RARB: variants seen among roughly 807,000 people sequenced by gnomAD.
RARB encodes the protein HBV-activated protein.
RARB carries 17 observed loss-of-function variants against 51.9 expected under a neutral mutation model. That is an observed-to-expected ratio of 0.33 (90% CI 0.22 to 0.49). The LOEUF is 0.49. RARB is among the 20% of genes least tolerant of loss of function. RARB has a pLI of 0.99. For missense variants in RARB, 369 were observed against 550.8 expected, an observed-to-expected ratio of 0.67 and a Z score of 3.30; for synonymous variants, 215 against 195.4, an observed-to-expected ratio of 1.10 and a Z score of -0.84.
At chr3:25,569,099 G>A (rs781720755) in intron 3 of RARB, among the ~76,000 whole-genome samples, 3 of 152,162 alleles carry the variant, frequency 2.0e-5, no homozygotes, top group East Asian at 1.9e-4. Flanking sequence ...GGCTACCAGC[G>A]AATAAGGGAA....
At chr3:25,448,113 A>G (rs1709029502) in intron 1 of RARB, among the ~76,000 whole-genome samples, 1 of 152,012 alleles carries the variant, frequency 6.6e-6, no homozygotes, top group African/African-American at 2.4e-5. Context: ...TCCAAAAGTC[A>G]CACAGCCAGT....
intron 3 of RARB, among the ~76,000 whole-genome samples, chr3:25,084,544 TC>T (rs34836731): frequency 0.77 from 114,259 of 148,772 alleles, 43,582 homozygotes; most frequent in East Asian, 0.88. Flanking sequence ...ACATCATTAA[TC>T]CCTTCTCTAT....
chr3:25,577,824 T>G (rs1051054052), intron 4 of RARB, among the ~76,000 whole-genome samples: 24 of 152,124 alleles, frequency 1.6e-4, no homozygotes, highest in Non-Finnish European at 3.4e-4. Context: ...GTTGGGCTTT[T>G]CTGCTGCTTA....
intron 5 of RARB, among the ~76,000 whole-genome samples, chr3:25,200,741 C>A (rs889606179): frequency 1.3e-5 from 2 of 152,050 alleles, no homozygotes; most frequent in East Asian, 3.9e-4. Context: ...TGTCAAAGAT[C>A]AGATAGTTGT....
intron 2 of RARB, among the ~76,000 whole-genome samples, chr3:25,033,391 T>G (rs1384147401): frequency 6.6e-6 from 1 of 152,142 alleles, no homozygotes; most frequent in Admixed American, 6.5e-5. Flanking sequence ...GCTGGGAAGT[T>G]AATTGTCTGA....
At chr3:24,984,000 A>T (rs1315504908) in intron 2 of RARB, among the ~76,000 whole-genome samples, 2 of 152,218 alleles carry the variant, frequency 1.3e-5, no homozygotes, top group African/African-American at 4.8e-5. Flanking sequence ...TATGATTCTT[A>T]CTAATTCTAA....
intron 5 of RARB, among the ~76,000 whole-genome samples, chr3:25,279,788 G>A (rs193226490): frequency 6.6e-6 from 1 of 152,236 alleles, no homozygotes; most frequent in East Asian, 1.9e-4. Context: ...GCTCTGTGTT[G>A]TAATATCACT....
chr3:25,278,619 A>G (rs1327667961), intron 5 of RARB, among the ~76,000 whole-genome samples: 1 of 152,208 alleles, frequency 6.6e-6, no homozygotes, highest in African/African-American at 2.4e-5. Flanking sequence ...TAGCTTTGAT[A>G]GATACCTTGA....
At chr3:25,491,447 T>G (rs1363249339) in intron 2 of RARB, among the ~76,000 whole-genome samples, 2 of 152,082 alleles carry the variant, frequency 1.3e-5, no homozygotes, top group African/African-American at 4.8e-5. Flanking sequence ...ACTACTTAAT[T>G]CTGTCTGATC....
At chr3:25,573,470 G>T (rs1472787667) in intron 4 of RARB, among the ~76,000 whole-genome samples, 1 of 152,204 alleles carries the variant, frequency 6.6e-6, no homozygotes, top group Non-Finnish European at 1.5e-5. Context: ...TCACTACTGG[G>T]CATCCTTCCG....
intron 2 of RARB, among the ~76,000 whole-genome samples, chr3:24,930,993 A>G (rs1369550154): frequency 6.6e-6 from 1 of 152,116 alleles, no homozygotes; most frequent in Non-Finnish European, 1.5e-5. Flanking sequence ...ACACTAGGTG[A>G]CAGAGTGAGA....
At chr3:25,393,357 T>C (rs1707026372) in intron 5 of RARB, among the ~76,000 whole-genome samples, 1 of 152,084 alleles carries the variant, frequency 6.6e-6, no homozygotes, top group Admixed American at 6.6e-5. Context: ...TGTAGTTTTT[T>C]GTTATGTCCT....
chr3:25,442,882 A>G (rs1708760977), intron 1 of RARB, among the ~76,000 whole-genome samples: 1 of 152,142 alleles, frequency 6.6e-6, no homozygotes, highest in Non-Finnish European at 1.5e-5. Flanking sequence ...CGTGCTCCAC[A>G]CCTGCTTGGT....
intron 5 of RARB, among the ~76,000 whole-genome samples, chr3:25,419,767 G>A (rs911494497): frequency 6.6e-6 from 1 of 152,186 alleles, no homozygotes; most frequent in African/African-American, 2.4e-5. Flanking sequence ...TGCTTAAACA[G>A]AGGGAAAGTA....
At chr3:25,551,886 A>G (rs1699865084) in intron 3 of RARB, among the ~76,000 whole-genome samples, 1 of 152,226 alleles carries the variant, frequency 6.6e-6, no homozygotes, top group Non-Finnish European at 1.5e-5. Flanking sequence ...AGTTAGCAAT[A>G]GTTCTGAGAG....
intron 2 of RARB, among the ~76,000 whole-genome samples, chr3:24,944,447 G>C (rs192565366): frequency 3.0e-4 from 45 of 152,314 alleles, no homozygotes; most frequent in Admixed American, 2.9e-3. Flanking sequence ...CCATACTGGC[G>C]TGTTCTTAGG....
chr3:25,405,134 T>TC (rs1337072587), intron 5 of RARB, among the ~76,000 whole-genome samples: 22 of 152,190 alleles, frequency 1.4e-4, no homozygotes, highest in Admixed American at 1.4e-3. Context: ...CGTCTCTTAA[T>TC]CCCCAGAGAC....
chr3:25,113,584 A>G (rs975113432), intron 3 of RARB, among the ~76,000 whole-genome samples: 1 of 152,198 alleles, frequency 6.6e-6, no homozygotes, highest in Admixed American at 6.5e-5. Context: ...GCTGTCAATT[A>G]TCCAATGCAT....
chr3:25,489,532 A>C (rs187991501), intron 2 of RARB, among the ~76,000 whole-genome samples: 290 of 152,358 alleles, frequency 1.9e-3, no homozygotes, highest in Admixed American at 3.0e-3. Context: ...ATACTCCATC[A>C]CAAAAAAAGA....
Sources: allele counts gnomAD v4.1 joint callset (sites outside exome capture counted in the v4.1 genomes callset), GRCh38; gene constraint gnomAD v4.1.1; transcripts MANE v1.5; gene names NCBI Gene and HGNC (gene_info 2026-07-23, HGNC 2026-07-21).